Variants in ERCC6L2 observed in about 807,000 individuals in gnomAD.
ERCC6L2 encodes the protein ERCC excision repair 6 like 2.
ERCC6L2 carries 77 observed loss-of-function variants against 132.0 expected under a neutral mutation model. The observed-to-expected ratio is 0.58, with a 90% confidence interval of 0.49 to 0.71. ERCC6L2 has a LOEUF of 0.71. Among genes scored for constraint, ERCC6L2 ranks in the 30% least tolerant of loss-of-function variants. ERCC6L2 has a pLI of 0.00. For missense variants in ERCC6L2, 1,542 were observed against 1,837.6 expected (o/e 0.84, Z 2.94); for synonymous variants, 583 against 632.4 (o/e 0.92, Z 1.17).
intron 19 of ERCC6L2, among the ~76,000 whole-genome samples, chr9:96,035,203 G>A (rs1159418228): frequency 6.6e-6 from 1 of 152,212 alleles, no homozygotes; most frequent in Non-Finnish European, 1.5e-5. Flanking sequence ...AATGGCAGCA[G>A]GAGGCAGACA....
At chr9:95,883,073 G>C (rs1435356376) in intron 2 of ERCC6L2, among the ~76,000 whole-genome samples, 1 of 152,046 alleles carries the variant, frequency 6.6e-6, no homozygotes, top group Non-Finnish European at 1.5e-5. Flanking sequence ...TGTTTTATCT[G>C]AGTTCCTTCC....
At chr9:95,905,636 C>T (rs560520016) in intron 3 of ERCC6L2, among the ~76,000 whole-genome samples, 12 of 152,210 alleles carry the variant, frequency 7.9e-5, no homozygotes, top group Non-Finnish European at 1.3e-4. Context: ...ACCCAAAGGA[C>T]GGACATACTT....
At chr9:96,002,733 C>T (rs966572685) in intron 17 of ERCC6L2, among the ~76,000 whole-genome samples, 10 of 152,116 alleles carry the variant, frequency 6.6e-5, no homozygotes, top group Non-Finnish European at 1.5e-4. Context: ...TGTGCCTGGC[C>T]TAATTTGGCA....
intron 14 of ERCC6L2, among the ~76,000 whole-genome samples, chr9:95,969,140 G>C (rs1832296672): frequency 1.3e-5 from 2 of 152,132 alleles, no homozygotes; most frequent in South Asian, 4.1e-4. Context: ...AGGCCAGAGT[G>C]GTTAGAGTGG....
intron 3 of ERCC6L2, 117 bp from the exon 4 acceptor site, chr9:95,906,961 T>G (rs1829069094): frequency 2.9e-6 from 2 of 684,602 alleles, no homozygotes; most frequent in East Asian, 5.4e-5. Flanking sequence ...TATTTATTGT[T>G]ACTAACTAGA....
chr9:95,991,035 G>T (rs1230838653), intron 17 of ERCC6L2, among the ~76,000 whole-genome samples: 1 of 152,054 alleles, frequency 6.6e-6, no homozygotes, highest in Non-Finnish European at 1.5e-5. Context: ...GAAGTTAGCT[G>T]CATCTGTCCA....
At chr9:96,005,261 C>T (rs1490005105) in intron 18 of ERCC6L2, among the ~76,000 whole-genome samples, 2 of 151,628 alleles carry the variant, frequency 1.3e-5, no homozygotes, top group East Asian at 2.0e-4. Context: ...TGCAGTGAGC[C>T]GAGATTGCGC....
chr9:95,896,404 T>C (rs1156844261), intron 2 of ERCC6L2, among the ~76,000 whole-genome samples: 2 of 111,070 alleles, frequency 1.8e-5, no homozygotes, highest in African/African-American at 3.3e-5. Context: ...TTGTTTGTTT[T>C]TTGATTTTTT....
At chr9:95,989,268 G>A (rs902725723) in intron 17 of ERCC6L2, among the ~76,000 whole-genome samples, 23 of 152,214 alleles carry the variant, frequency 1.5e-4, no homozygotes, top group African/African-American at 4.8e-4. Context: ...TTCCCTCCCT[G>A]AAAGTTGGGG....
intron 13 of ERCC6L2, among the ~76,000 whole-genome samples, chr9:95,962,561 G>A (rs1465351867): frequency 6.6e-6 from 1 of 152,172 alleles, no homozygotes; most frequent in Non-Finnish European, 1.5e-5. Context: ...GATGTGGCAA[G>A]ATGTCTGAAG....
chr9:95,965,721 G>C (rs1175620948), intron 13 of ERCC6L2, among the ~76,000 whole-genome samples: 2 of 151,930 alleles, frequency 1.3e-5, no homozygotes, highest in African/African-American at 4.8e-5. Context: ...ACCAGGTTGG[G>C]CTCTGACTCC....
chr9:96,005,269 C>T (rs987994952), intron 18 of ERCC6L2, among the ~76,000 whole-genome samples: 8 of 151,578 alleles, frequency 5.3e-5, no homozygotes, highest in South Asian at 2.1e-4. Context: ...GCCGAGATTG[C>T]GCCACTGCAC....
At chr9:95,896,639 G>T (rs1036983320) in intron 2 of ERCC6L2, among the ~76,000 whole-genome samples, 3 of 151,982 alleles carry the variant, frequency 2.0e-5, no homozygotes, top group African/African-American at 4.8e-5. Flanking sequence ...GCCCACGCTG[G>T]TCTCAAATTC....
chr9:95,895,939 G>C (rs1828435764), intron 2 of ERCC6L2, among the ~76,000 whole-genome samples: 1 of 152,050 alleles, frequency 6.6e-6, no homozygotes, highest in Admixed American at 6.6e-5. Context: ...TGTTAGCCAG[G>C]ATGGTCTTGA....
chr9:95,999,766 T>C (rs1588040939), intron 17 of ERCC6L2, among the ~76,000 whole-genome samples: 2 of 152,244 alleles, frequency 1.3e-5, no homozygotes, highest in South Asian at 4.2e-4. Flanking sequence ...GGGTATAATC[T>C]AGGATGATGA....
intron 4 of ERCC6L2, among the ~76,000 whole-genome samples, chr9:95,907,777 G>T (rs1476136839): frequency 7.1e-6 from 1 of 140,392 alleles, no homozygotes; most frequent in Non-Finnish European, 1.5e-5. Context: ...TAATTTTCAT[G>T]AATTATTTCA....
In ERCC6L2 at chr9:95,914,705, A is replaced by T. The variant is rs887387059; in HGVS notation, c.789-963A>T. The stretch of plus-strand genomic sequence containing the variant: ...TATACAAGTCCTGTATCAGATTATG[A>T]TTTGCAATATAGTCTGTAGCATGTC... On this transcript the variant is annotated intron_variant, in intron 4 of 18. Coordinates refer to ENST00000653738, the MANE Select transcript of ERCC6L2 (RefSeq NM_020207.7). Among the ~76,000 whole-genome samples the T allele has an allele frequency of 6.6e-5, 10 of 152,176 alleles. No homozygotes were observed. The East Asian group carries it at 1.7e-3, about 26-fold the overall frequency.
chr9:95,918,317 CA>C, intron 6 of ERCC6L2: 3 of 394,230 alleles, frequency 7.6e-6, no homozygotes, highest in Non-Finnish European at 5.0e-6. Context: ...CTTGAAGATG[CA>C]AAAAAGAGGG....
chr9:96,001,624 C>T (rs1445631948), intron 17 of ERCC6L2, among the ~76,000 whole-genome samples: 4 of 152,254 alleles, frequency 2.6e-5, no homozygotes, highest in Non-Finnish European at 5.9e-5. Flanking sequence ...CTCTCCACGT[C>T]CCCACCAGAC....
Sources: allele counts gnomAD v4.1 joint callset (sites outside exome capture counted in the v4.1 genomes callset), GRCh38; gene constraint gnomAD v4.1.1; transcripts MANE v1.5; gene names NCBI Gene and HGNC (gene_info 2026-07-23, HGNC 2026-07-21).